Variants in PTPRT observed in about 807,000 individuals in gnomAD.
PTPRT encodes protein tyrosine phosphatase receptor type T, also known as receptor-type tyrosine-protein phosphatase T.
A neutral mutation model predicts 176.8 loss-of-function variants in PTPRT; 56 were observed. The ratio of observed to expected loss-of-function variants is 0.32; its 90% CI spans 0.26 to 0.40. The LOEUF is 0.40. PTPRT is among the 10% of genes least tolerant of loss of function. PTPRT has a pLI of 1.00. For synonymous variants in PTPRT, 783 were observed against 739.0 expected (o/e 1.06, Z -0.96); for missense variants, 1,540 against 1,908.2 (o/e 0.81, Z 3.60).
intron 6 of PTPRT, among the ~76,000 whole-genome samples, chr20:42,693,328 C>A (rs1356156013): frequency 1.3e-5 from 2 of 152,100 alleles, no homozygotes; most frequent in African/African-American, 4.8e-5. Flanking sequence ...AAATATCTGT[C>A]AGGCTTTCTA....
At chr20:42,831,964 TGTG>T (rs540933327) in intron 2 of PTPRT, among the ~76,000 whole-genome samples, 107 of 152,320 alleles carry the variant, frequency 7.0e-4, no homozygotes, top group South Asian at 4.4e-3. Flanking sequence ...TGGAAAACAA[TGTG>T]GTGATTCCTC....
In PTPRT at chr20:42,610,383, T is replaced by TG. The variant is rs57345843; in HGVS notation, c.1153+67482_1153+67483insC. Among the ~76,000 whole-genome samples, 855 of 121,980 alleles carry TG rather than the reference T, an allele frequency of 7.0e-3. 9 individuals are homozygous for TG. The highest frequency in any genetic ancestry group is 0.043 in the African/African-American group (813 of 18,708). The allele number at this position is 121,980 out of a possible 152,430, so 80.0% of individuals were successfully genotyped here. A position where few individuals can be genotyped will look rare whatever the true frequency, so the allele number is the denominator to read the frequency against. On this transcript the variant is annotated intron_variant, in intron 7 of 30. Transcript: ENST00000373187. ...ATCTGCGGGTTTACTTGTTTTGTTT[T>TG]TTTTTTTTGTTTTTTTTTTTGAGAT...
At chr20:42,812,405 C>A (rs193132125) in intron 2 of PTPRT, among the ~76,000 whole-genome samples, 41 of 152,220 alleles carry the variant, frequency 2.7e-4, no homozygotes, top group African/African-American at 9.9e-4. Flanking sequence ...TCTCCTGCCC[C>A]AGTCTGGTAA....
At chr20:42,312,875 T>G (rs1336311476) in intron 12 of PTPRT, among the ~76,000 whole-genome samples, 1 of 149,732 alleles carries the variant, frequency 6.7e-6, no homozygotes, top group Non-Finnish European at 1.5e-5. Context: ...TGATATGATG[T>G]TTGGGGAGCA....
chr20:42,545,266 T>C (rs1336857427), intron 7 of PTPRT, among the ~76,000 whole-genome samples: 1 of 152,200 alleles, frequency 6.6e-6, no homozygotes, highest in Non-Finnish European at 1.5e-5. Context: ...CCCATGCTTC[T>C]TATATGTGTG....
intron 7 of PTPRT, among the ~76,000 whole-genome samples, chr20:42,555,368 G>C (rs921138867): frequency 6.6e-6 from 1 of 152,160 alleles, no homozygotes; most frequent in Non-Finnish European, 1.5e-5. Flanking sequence ...ACAGTCTAGG[G>C]CGGCCAGGTG....
At chr20:42,837,213 C>T (rs1027320524) in intron 2 of PTPRT, among the ~76,000 whole-genome samples, 6 of 152,196 alleles carry the variant, frequency 3.9e-5, no homozygotes, top group Non-Finnish European at 8.8e-5. Flanking sequence ...GCCACTGGAG[C>T]CCACAGAGGC....
intron 7 of PTPRT, among the ~76,000 whole-genome samples, chr20:42,577,969 G>GTA (rs1555882757): frequency 0.06 from 8,412 of 140,264 alleles, 768 homozygotes; most frequent in Admixed American, 0.16. Context: ...GTGTGTGTGT[G>GTA]TAGGCATACC....
At chr20:42,227,210 G>A (rs187006992) in intron 15 of PTPRT, among the ~76,000 whole-genome samples, 14 of 152,004 alleles carry the variant, frequency 9.2e-5, no homozygotes, top group Non-Finnish European at 1.9e-4. Flanking sequence ...GAAAGAAGGA[G>A]GGAAGGAAAG....
At chr20:42,306,415 A>G (rs922626415) in intron 12 of PTPRT, among the ~76,000 whole-genome samples, 1 of 152,158 alleles carries the variant, frequency 6.6e-6, no homozygotes, top group Non-Finnish European at 1.5e-5. Context: ...AGGCAGATAA[A>G]TGGGGCATGG....
chr20:42,084,763 G>T lies in PTPRT; in HGVS notation c.4055C>A (p.Ser1352Tyr). Residue 1352 changes from serine (S) to tyrosine (Y), a missense_variant, in exon 29 of 31, where the codon TCT (serine) becomes TAT (tyrosine). Ser to Tyr is a moderately radical substitution (Grantham distance 144). This residue lies in a region of PTPRT where 342 missense variants were observed against 394.0 expected (regional missense o/e 0.87). Coordinates refer to ENST00000373187, the MANE Select transcript of PTPRT (RefSeq NM_007050.6). ...AYRDTPPSKR[S>Y]LLKVVRRLEK... ...CAGTCGTCGGACCACTTTGAGCAGA[G>T]AGCGCTTGGAGGGGGGCGTGTCCCG... 1 of 1,563,604 alleles carries T rather than the reference G, an allele frequency of 6.4e-7. No homozygotes were observed. The highest frequency in any genetic ancestry group is 8.7e-7 in the Non-Finnish European group (1 of 1,151,078).
intron 9 of PTPRT, among the ~76,000 whole-genome samples, chr20:42,364,337 T>TC (rs1047631492): frequency 6.6e-6 from 1 of 152,060 alleles, no homozygotes; most frequent in African/African-American, 2.4e-5. Context: ...ATTGATTTTC[T>TC]CCCCCACTAA....
At chr20:42,614,278 C>G (rs1416827063) in intron 7 of PTPRT, among the ~76,000 whole-genome samples, 1 of 150,948 alleles carries the variant, frequency 6.6e-6, no homozygotes, top group Non-Finnish European at 1.5e-5. Context: ...GATTTGAACA[C>G]CCCCAACACA....
intron 7 of PTPRT, among the ~76,000 whole-genome samples, chr20:42,487,308 A>G (rs1012003521): frequency 6.6e-6 from 1 of 152,228 alleles, no homozygotes; most frequent in Non-Finnish European, 1.5e-5. Context: ...CAAACTGGTC[A>G]GATGAGTTCT....
At chr20:42,208,350 G>T (rs374442290) in intron 15 of PTPRT, among the ~76,000 whole-genome samples, 1 of 151,626 alleles carries the variant, frequency 6.6e-6, no homozygotes. Flanking sequence ...AGACTGGCAA[G>T]TTGGATAAAG....
intron 3 of PTPRT, among the ~76,000 whole-genome samples, chr20:42,788,873 C>A (rs1230030470): frequency 6.6e-6 from 1 of 152,170 alleles, no homozygotes; most frequent in Non-Finnish European, 1.5e-5. Context: ...AAGAACTCTA[C>A]TAGGGGAAAT....
At chr20:42,381,686 G>T (rs960651635) in intron 9 of PTPRT, among the ~76,000 whole-genome samples, 2 of 152,172 alleles carry the variant, frequency 1.3e-5, no homozygotes, top group Admixed American at 1.3e-4. Context: ...GAGGGAAAAT[G>T]GGGGAAGAAG....
At chr20:43,145,042 C>G (rs892895110) in intron 1 of PTPRT, among the ~76,000 whole-genome samples, 3 of 152,210 alleles carry the variant, frequency 2.0e-5, no homozygotes, top group African/African-American at 7.2e-5. Flanking sequence ...AAAGGCTGTT[C>G]CCTCTGCCTC....
At chr20:42,355,457 A>C (rs1367022534) in intron 9 of PTPRT, among the ~76,000 whole-genome samples, 1 of 152,226 alleles carries the variant, frequency 6.6e-6, no homozygotes. Context: ...CTCAGGAGAG[A>C]GTGCAACTGA....
Sources: allele counts gnomAD v4.1 joint callset (sites outside exome capture counted in the v4.1 genomes callset), GRCh38; gene constraint gnomAD v4.1.1; regional missense constraint gnomAD v4.1.1; transcripts MANE v1.5; gene names NCBI Gene and HGNC (gene_info 2026-07-23, HGNC 2026-07-21).